Variants in POU2F2 observed in about 807,000 individuals in gnomAD.
POU2F2 encodes POU domain, class 2, transcription factor 2.
A neutral mutation model predicts 63.5 loss-of-function variants in POU2F2; 14 were observed. The ratio of observed to expected loss-of-function variants is 0.22; its 90% CI spans 0.15 to 0.34. POU2F2 has a LOEUF of 0.34. POU2F2 is among the 10% of genes least tolerant of loss of function. The pLI, the probability that POU2F2 is intolerant of heterozygous loss-of-function variation, is 1.00. For missense variants in POU2F2, 607 were observed against 815.2 expected (o/e 0.74, Z 3.11); for synonymous variants, 306 against 348.6 (o/e 0.88, Z 1.36).
At chr19:42,109,120 T>C (rs2030641485) in intron 5 of POU2F2, among the ~76,000 whole-genome samples, 1 of 152,214 alleles carries the variant, frequency 6.6e-6, no homozygotes, top group South Asian at 2.1e-4. Flanking sequence ...CTACCAGGGC[T>C]CAGTTCCACC....
upstream of POU2F2, among the ~76,000 whole-genome samples, chr19:42,179,671 G>A (rs2034938778): frequency 1.3e-5 from 2 of 152,094 alleles, no homozygotes; most frequent in African/African-American, 4.8e-5. Flanking sequence ...CCTCATGTGT[G>A]TGTGAGAAAC....
At position 42,171,431 on chromosome 19, in the gene POU2F2, C is replaced by CGTGTGTGT. The variant is rs71336804; in HGVS notation, c.-70+4524_-70+4531dup. On this transcript the variant is annotated intron_variant, in intron 1 of 6. Transcript: ENST00000524801. ...AGATGGAATGTCAGGGGCTGCGCTT[C>CGTGTGTGT]GTGTGTGTGTGTGTGTGTGTGTGTG... Among the ~76,000 whole-genome samples the CGTGTGTGT allele has an allele frequency of 5.3e-3, 728 of 138,600 alleles. 6 individuals are homozygous for CGTGTGTGT. The highest frequency in any genetic ancestry group is 0.017 in the African/African-American group (631 of 37,870). 90.9% of individuals were successfully genotyped at this position (138,600 alleles called of 152,430 possible).
At chr19:42,116,674 CT>C (rs2031906766) in intron 5 of POU2F2, 1 of 306,234 alleles carries the variant, frequency 3.3e-6, no homozygotes, top group African/African-American at 2.3e-5. Context: ...ATGTCCTTCA[CT>C]GCAGGGAGCC....
chr19:42,096,064 T>G lies in POU2F2; in HGVS notation c.729+18A>C, dbSNP rs769835510. The G allele has an allele frequency of 6.2e-7, 1 of 1,612,766 alleles. No homozygotes were observed. The highest frequency in any genetic ancestry group is 8.5e-7 in the Non-Finnish European group (1 of 1,179,386). On this transcript the variant is annotated intron_variant, in intron 8 of 14. Transcript: ENST00000692977. The surrounding 1 kb of genome is among the most constrained non-coding windows in gnomAD (Gnocchi z 4.1). ...ACGCCCCCACGCCCACCGCCCAGCCTGCAAGGTGCCTCCAGACCTGCGTGA... is the reference window on the plus strand; with the variant it reads ...ACGCCCCCACGCCCACCGCCCAGCCGGCAAGGTGCCTCCAGACCTGCGTGA...
chr19:42,093,968 C>A (rs2076829759), intron 11 of POU2F2, 73 bp from the exon 12 acceptor site: 2 of 1,338,846 alleles, frequency 1.5e-6, no homozygotes, highest in Non-Finnish European at 2.1e-6. Context: ...CTGTAGGACC[C>A]CACTCCTCCG....
intron 5 of POU2F2, among the ~76,000 whole-genome samples, chr19:42,106,818 GAGA>G (rs1818807204): frequency 6.6e-6 from 1 of 150,680 alleles, no homozygotes. Flanking sequence ...GGAGGAGGAG[GAGA>G]AGGAGGAGGA....
chr19:42,107,972 T>C (rs998621549), intron 5 of POU2F2, among the ~76,000 whole-genome samples: 1 of 139,914 alleles, frequency 7.1e-6, no homozygotes, highest in African/African-American at 2.7e-5. Flanking sequence ...CCCCACCTCA[T>C]ACCTTTGCTA....
chr19:42,152,985 A>G lies in POU2F2; in HGVS notation c.-9+7347T>C, dbSNP rs1599676727. Among the ~76,000 whole-genome samples the G allele has an allele frequency of 1.3e-5, 2 of 152,240 alleles. No individual in the cohort carries two copies. The highest frequency in any genetic ancestry group is 2.9e-5 in the Non-Finnish European group (2 of 67,996). ...AGTAGGCTACGGTGAATGGACACAA[A>G]GAACAGTGGGGCGAACCCTCAGGCC... On this transcript the variant is annotated intron_variant, in intron 2 of 6. Coordinates refer to the POU2F2 transcript ENST00000524801. The surrounding 1 kb of genome is among the most constrained non-coding windows in gnomAD (Gnocchi z 4.1).
chr19:42,145,487 T>C (rs143332693), intron 2 of POU2F2, among the ~76,000 whole-genome samples: 10 of 152,372 alleles, frequency 6.6e-5, no homozygotes, highest in Non-Finnish European at 1.5e-4. Context: ...CCAGATCGCA[T>C]GAGACACAGT....
intron 1 of POU2F2, among the ~76,000 whole-genome samples, chr19:42,181,837 C>T (rs1568426927): frequency 1.3e-5 from 2 of 152,180 alleles, no homozygotes; most frequent in Non-Finnish European, 2.9e-5. Flanking sequence ...CCACCCACCT[C>T]GGCCTCCCAA....
At chr19:42,122,276 C>G in intron 3 of POU2F2, 68 bp downstream of exon 3, 6 of 1,546,630 alleles carry the variant, frequency 3.9e-6, no homozygotes, top group South Asian at 1.2e-5. Flanking sequence ...ATAGGCGGCA[C>G]AGAGCCCCCT....
Position 42,145,981 on chromosome 19 carries a change from C to T in POU2F2, c.-9+14351G>A, listed in dbSNP as rs1341380456. 1.2e-4 allele frequency among the ~76,000 whole-genome samples: 16 copies of T among 137,108 alleles called. No homozygotes were observed. The East Asian group carries it at 2.9e-3, about 25-fold the overall frequency. The allele number at this position is 137,108 out of a possible 152,430, so 89.9% of individuals were successfully genotyped here. On this transcript the variant is annotated intron_variant, in intron 2 of 6. Coordinates refer to the POU2F2 transcript ENST00000524801. Reference sequence around the variant, plus strand: ...CCAGGAGGTGGAGCTTGCAATGAGCCGAGATCGCGCCACTGCACTCCAGCC... The same window carrying T: ...CCAGGAGGTGGAGCTTGCAATGAGCTGAGATCGCGCCACTGCACTCCAGCC...
At position 42,156,922 on chromosome 19, in the gene POU2F2, A is replaced by C. The variant is rs527504827; in HGVS notation, c.-9+3410T>G. 3.9e-5 allele frequency: 6 copies of C among 152,376 alleles called. No individual in the cohort carries two copies. The highest frequency in any genetic ancestry group is 2.0e-4 in the Admixed American group (3 of 15,304). The allele number at this position is 152,376 out of a possible 1,614,324, so 9.4% of individuals were successfully genotyped here. ...CAAAGCTTCTGCTTCCGAGGCATTC[A>C]GGACTCCCCTCAGGGTGTGTGAGCA... On this transcript the variant is annotated intron_variant, in intron 2 of 6. Transcript: ENST00000524801. This position sits in a 1 kb window ranked among gnomAD's most constrained non-coding sequence, Gnocchi z 4.1.
In POU2F2 at chr19:42,117,618, A is replaced by T. The variant is rs899462460; in HGVS notation, c.187-186T>A. Among the ~76,000 whole-genome samples the T allele has an allele frequency of 6.6e-6, 1 of 151,736 alleles. No homozygotes were observed. Among genetic ancestry groups the T allele is most frequent in the Non-Finnish European group, 1.5e-5 (1 of 67,932 alleles). On this transcript the variant is annotated intron_variant, in intron 4 of 14. Transcript: ENST00000692977. This position sits in a 1 kb window ranked among gnomAD's most constrained non-coding sequence, Gnocchi z 4.4. ...GGGCTAACACAACACCTGCACCCAA[A>T]CTCCCTACAGAAGTCGCCTTTGCAG...
At position 42,151,489 on chromosome 19, in the gene POU2F2, C is replaced by T. The variant is rs564124192; in HGVS notation, c.-9+8843G>A. On this transcript the variant is annotated intron_variant, in intron 2 of 6. Transcript: ENST00000524801. Reference sequence around the variant, plus strand: ...GCACCTGGGACCAGGGCAGTCCTGGCTGAGGGAGGGGCAACAGGCACCCCT... The same window carrying T: ...GCACCTGGGACCAGGGCAGTCCTGGTTGAGGGAGGGGCAACAGGCACCCCT... 4.0e-4 allele frequency among the ~76,000 whole-genome samples: 61 copies of T among 152,170 alleles called. 2 individuals are homozygous for T. The highest frequency in any genetic ancestry group is 2.1e-3 in the South Asian group (10 of 4,818).
rs536710509 is a variant in POU2F2, at chr19:42,092,003, G to A, written c.1467-63C>T. 2.0e-4 allele frequency: 307 copies of A among 1,539,702 alleles called. No homozygotes were observed. The highest frequency in any genetic ancestry group is 2.6e-4 in the Admixed American group (13 of 49,128). On this transcript the variant is annotated intron_variant, in intron 13 of 14. Transcript: ENST00000692977. This position sits in a 1 kb window ranked among gnomAD's most constrained non-coding sequence, Gnocchi z 5.0. Reference sequence around the variant, plus strand: ...GACCTGCCAACATAACTGGGGTGCCGCTCCCCACCCTAGAAGCAGCAGCGA... The same window carrying A: ...GACCTGCCAACATAACTGGGGTGCCACTCCCCACCCTAGAAGCAGCAGCGA...
chr19:42,182,478 A>T (rs1383376231), intron 1 of POU2F2, among the ~76,000 whole-genome samples: 1 of 151,806 alleles, frequency 6.6e-6, no homozygotes, highest in Non-Finnish European at 1.5e-5. Context: ...AGTGAAGGGG[A>T]CTGGGGAGAG....
rs574693743 is a variant in POU2F2, at chr19:42,153,155, C to T, written c.-9+7177G>A. Among the ~76,000 whole-genome samples the T allele has an allele frequency of 1.3e-5, 2 of 152,260 alleles. No individual in the cohort carries two copies. The highest frequency in any genetic ancestry group is 2.1e-4 in the South Asian group (1 of 4,828). The stretch of plus-strand genomic sequence containing the variant: ...TGCGGCTTCGGACAGGAGGTTCCAG[C>T]GAGAGGTCTGTGGTGTGCGAGCTGC... On this transcript the variant is annotated intron_variant, in intron 2 of 6. Coordinates refer to the POU2F2 transcript ENST00000524801. The surrounding 1 kb of genome is among the most constrained non-coding windows in gnomAD (Gnocchi z 5.6).
intron 2 of POU2F2, among the ~76,000 whole-genome samples, chr19:42,146,448 G>A (rs1381795735): frequency 3.9e-5 from 6 of 152,204 alleles, no homozygotes; most frequent in African/African-American, 9.7e-5. Flanking sequence ...TTCACTGAGT[G>A]CCTTCACATC....
Sources: allele counts gnomAD v4.1 joint callset (sites outside exome capture counted in the v4.1 genomes callset), GRCh38; gene constraint gnomAD v4.1.1; non-coding constraint Gnocchi (gnomAD v3.1); transcripts MANE v1.5; gene names NCBI Gene and HGNC (gene_info 2026-07-23, HGNC 2026-07-21).